The following CELF2 variants were observed in gnomAD, a reference collection of about 807,000 sequenced individuals.
The protein encoded by CELF2 is CUG triplet repeat RNA-binding protein 2.
A neutral mutation model predicts 62.6 loss-of-function variants in CELF2; 8 were observed. That is an observed-to-expected ratio of 0.13 (90% CI 0.07 to 0.23). The LOEUF (loss-of-function observed/expected upper bound fraction) is 0.23. Among genes scored for constraint, CELF2 ranks in the 10% least tolerant of loss-of-function variants. The probability of loss-of-function intolerance (pLI) is 1.00; values close to 1 mark genes in which losing one functional copy is unlikely to be tolerated. For synonymous variants in CELF2, 258 were observed against 250.0 expected, an observed-to-expected ratio of 1.03 and a Z score of -0.30; for missense variants, 333 against 671.0, an observed-to-expected ratio of 0.50 and a Z score of 5.56.
At chr10:10,904,940 T>G (rs10795833) in intron 1 of CELF2, among the ~76,000 whole-genome samples, 130,794 of 152,090 alleles carry the variant, frequency 0.86, 56,324 homozygotes, top group South Asian at 0.92. Flanking sequence ...TCTCATTTCG[T>G]CCTTTAGATA....
chr10:10,677,138 T>C, the CELF2 span, among the ~76,000 whole-genome samples: 1 of 152,218 alleles, frequency 6.6e-6, no homozygotes, highest in Non-Finnish European at 1.5e-5. Flanking sequence ...CAGCCAAGAT[T>C]ATTCTCTGGG....
rs570188707 is a variant in CELF2 at position 11,081,736 on chromosome 10, T to C, written c.74+63573T>C. Among the ~76,000 whole-genome samples the C allele has an allele frequency of 5.4e-4, 82 of 152,366 alleles. 2 individuals carry two copies. The South Asian group carries it at 0.014, about 27-fold the overall frequency. On this transcript the variant is annotated intron_variant, in intron 1 of 12. Coordinates refer to ENST00000633077, the MANE Select transcript of CELF2 (RefSeq NM_001326342.2). The stretch of plus-strand genomic sequence containing the variant: ...TTCTCTGGCATACTTGACACATTTT[T>C]TTGCCCACTCTGGTAAATAAGTATT...
chr10:10,722,761 A>G, the CELF2 span, among the ~76,000 whole-genome samples: 1 of 152,210 alleles, frequency 6.6e-6, no homozygotes, highest in Non-Finnish European at 1.5e-5. Context: ...AAAATTAACA[A>G]TGACTTCTGT....
Position 11,223,736 on chromosome 10 carries a change from G to A in CELF2, c.354+6229G>A, listed in dbSNP as rs998886369. ...GAGTGTAGACCCAGCCCCAAGTCGG[G>A]CTCAGCCAGGTGCAACAGGATGGCT... is the stretch of plus-strand genomic sequence containing the variant. On this transcript the variant is annotated intron_variant, in intron 3 of 12. Transcript: ENST00000633077. This position sits in a 1 kb window ranked among gnomAD's most constrained non-coding sequence, Gnocchi z 5.1. Among the ~76,000 whole-genome samples the A allele has an allele frequency of 2.6e-5, 4 of 152,032 alleles. No homozygotes were observed. The highest frequency in any genetic ancestry group is 5.9e-5 in the Non-Finnish European group (4 of 68,000).
At chr10:10,942,440 G>A (rs953492405) in intron 2 of CELF2, among the ~76,000 whole-genome samples, 1 of 152,176 alleles carries the variant, frequency 6.6e-6, no homozygotes, top group Non-Finnish European at 1.5e-5. Flanking sequence ...ATTGGAATGA[G>A]GGCCTTAGTC....
the CELF2 span, among the ~76,000 whole-genome samples, chr10:10,588,130 A>G: frequency 6.6e-6 from 1 of 152,072 alleles, no homozygotes; most frequent in African/African-American, 2.4e-5. Flanking sequence ...CAGCAGGCCT[A>G]AAATTGTGCA....
intron 1 of CELF2, among the ~76,000 whole-genome samples, chr10:11,088,056 A>C (rs1009831579): frequency 6.6e-6 from 1 of 152,186 alleles, no homozygotes; most frequent in African/African-American, 2.4e-5. Flanking sequence ...ACAGGTGTTA[A>C]GGTGTGATTT....
At chr10:10,883,058 A>T (rs925215101) in intron 1 of CELF2, among the ~76,000 whole-genome samples, 2 of 152,186 alleles carry the variant, frequency 1.3e-5, no homozygotes, top group Non-Finnish European at 2.9e-5. Flanking sequence ...CAGGAGCAAG[A>T]CTAATAGTTT....
In CELF2 at chr10:11,249,166, T is replaced by C; in HGVS notation, c.368T>C (p.Ile123Thr). 6.2e-7 allele frequency: 1 copy of C among 1,613,684 alleles called. No homozygotes were observed. The highest frequency in any genetic ancestry group is 8.5e-7 in the Non-Finnish European group (1 of 1,179,512). Residue 123 changes from isoleucine (I) to threonine (T), a missense_variant, in exon 4 of 13, where the codon ATT (isoleucine) becomes ACT (threonine). Physicochemically the swap from Ile to Thr is moderately conservative, Grantham distance 89 (BLOSUM62 -1). This residue lies in a region of CELF2 where 253 missense variants were observed against 503.0 expected (regional missense o/e 0.50). Coordinates refer to ENST00000633077, the MANE Select transcript of CELF2 (RefSeq NM_001326342.2). ...TTGTGTTTTTAGATGCATCATCCCA[T>C]TCAGATGAAACCTGCAGATAGTGAA... ...IKTLPGMHHP[I>T]QMKPADSEKS...
chr10:10,560,836 A>G, the CELF2 span, among the ~76,000 whole-genome samples: 2 of 152,246 alleles, frequency 1.3e-5, no homozygotes, highest in African/African-American at 2.4e-5. Context: ...CTACTCAGCC[A>G]TAAAAAGGAA....
At chr10:10,482,980 A>G in the CELF2 span, among the ~76,000 whole-genome samples, 9 of 152,226 alleles carry the variant, frequency 5.9e-5, no homozygotes, top group African/African-American at 1.9e-4. Context: ...CCATGAAAAC[A>G]CAATAAAGGC....
In CELF2 at chr10:10,983,907, G is replaced by C. The variant is rs1050632603; in HGVS notation, c.89+63908G>C. Among the ~76,000 whole-genome samples the C allele has an allele frequency of 1.3e-5, 2 of 152,090 alleles. No individual in the cohort carries two copies. The highest frequency in any genetic ancestry group is 2.9e-5 in the Non-Finnish European group (2 of 68,018). ...TGTAGGTTTTGAAGCTTGCCCTCGA[G>C]GATTTAAAAGACAGCATTGCAATTT... is the stretch of plus-strand genomic sequence containing the variant. On this transcript the variant is annotated intron_variant, in intron 2 of 13. Coordinates refer to the CELF2 transcript ENST00000636488. The surrounding 1 kb of genome is among the most constrained non-coding windows in gnomAD (Gnocchi z 5.2).
intron 2 of CELF2, among the ~76,000 whole-genome samples, chr10:10,948,683 T>A (rs889171285): frequency 6.6e-6 from 1 of 152,170 alleles, no homozygotes; most frequent in East Asian, 1.9e-4. Flanking sequence ...GTTTCCTTTC[T>A]GCACAATAGT....
chr10:11,312,731 T>G (rs780584134), intron 9 of CELF2, among the ~76,000 whole-genome samples: 26 of 152,128 alleles, frequency 1.7e-4, no homozygotes, highest in Non-Finnish European at 3.5e-4. Flanking sequence ...GTCAACAGAT[T>G]GAGGCCATCC....
At chr10:10,553,566 GA>G in the CELF2 span, among the ~76,000 whole-genome samples, 1 of 152,134 alleles carries the variant, frequency 6.6e-6, no homozygotes, top group Non-Finnish European at 1.5e-5. Context: ...ACAAAGAGAC[GA>G]AGGGAGACAG....
intron 2 of CELF2, among the ~76,000 whole-genome samples, chr10:10,956,246 A>G (rs2048883053): frequency 6.6e-6 from 1 of 152,234 alleles, no homozygotes; most frequent in African/African-American, 2.4e-5. Flanking sequence ...AGTGAAAGAA[A>G]GAAGAATGGA....
chr10:11,087,212 G>A (rs1341247262), intron 1 of CELF2, among the ~76,000 whole-genome samples: 1 of 152,156 alleles, frequency 6.6e-6, no homozygotes, highest in African/African-American at 2.4e-5. Context: ...ACGACCCCAG[G>A]AATGCTCTTC....
intron 1 of CELF2, among the ~76,000 whole-genome samples, chr10:11,123,149 G>A (rs1296199649): frequency 6.6e-6 from 1 of 152,110 alleles, no homozygotes; most frequent in African/African-American, 2.4e-5. Flanking sequence ...ATGGGAGGAG[G>A]CACTTTTTAC....
the CELF2 span, among the ~76,000 whole-genome samples, chr10:10,789,362 T>C: frequency 6.6e-6 from 1 of 152,022 alleles, no homozygotes; most frequent in Non-Finnish European, 1.5e-5. Flanking sequence ...TTTATAGATA[T>C]GTCATATGCA....
Sources: gnomAD v4.1 joint callset for allele counts (sites outside exome capture counted in the v4.1 genomes callset) on GRCh38, gnomAD v4.1.1 for gene constraint, gnomAD v4.1.1 regional missense constraint, Gnocchi (gnomAD v3.1) non-coding constraint, MANE v1.5 for transcripts, NCBI Gene and HGNC (gene_info 2026-07-23, HGNC 2026-07-21) for gene names.